The following LACTB2 variants were observed in gnomAD, a reference collection of about 807,000 sequenced individuals.
LACTB2 encodes the protein endoribonuclease LACTB2.
Under a neutral mutation model 34.8 loss-of-function variants are expected in LACTB2, and 32 were observed. The observed-to-expected ratio is 0.92, with a 90% CI of 0.69 to 1.24. The LOEUF (loss-of-function observed/expected upper bound fraction) is 1.24. LACTB2 is among the 50% of genes most tolerant of loss of function. The pLI is 0.00. For synonymous variants in LACTB2, 120 were observed against 117.5 expected (o/e 1.02, Z -0.14); for missense variants, 320 against 345.0 (o/e 0.93, Z 0.57).
chr8:70,646,862 T>C (rs1278512854), intron 3 of LACTB2, among the ~76,000 whole-genome samples: 2 of 152,206 alleles, frequency 1.3e-5, no homozygotes, highest in African/African-American at 4.8e-5. Context: ...TGTTATTCTG[T>C]AGGCTTCACA....
Position 70,669,128 on chromosome 8 carries a change from T to A in LACTB2, c.-8A>T, listed in dbSNP as rs766645352. 2.0e-5 allele frequency: 32 copies of A among 1,608,984 alleles called. No individual in the cohort carries two copies. In the East Asian group the frequency reaches 6.0e-4, roughly 30 times the overall value. On this transcript the variant is annotated 5_prime_UTR_variant, in exon 1 of 7. Transcript: ENST00000276590. ...CTGCAGTACAGCAGCCATTCCCGCC[T>A]CAGCCGCCCGCCGGCGTGTCGCCTA...
intron 3 of LACTB2, chr8:70,646,843 T>C (rs1311578083): frequency 6.6e-6 from 1 of 152,234 alleles, no homozygotes; most frequent in Non-Finnish European, 1.5e-5. Flanking sequence ...TCTTCTACTT[T>C]GAATTATGTG....
chr8:70,665,900 G>A (rs1484133291), intron 1 of LACTB2, among the ~76,000 whole-genome samples: 2 of 152,174 alleles, frequency 1.3e-5, no homozygotes, highest in Non-Finnish European at 2.9e-5. Flanking sequence ...GAGCAGAGGA[G>A]GAAAGTAAAA....
intron 1 of LACTB2, among the ~76,000 whole-genome samples, chr8:70,666,792 A>C (rs185808506): frequency 6.6e-6 from 1 of 152,334 alleles, no homozygotes; most frequent in Non-Finnish European, 1.5e-5. Context: ...AAGGGTATTT[A>C]GGCATTTCCT....
At position 70,661,830 on chromosome 8, in the gene LACTB2, T is replaced by G. The variant is rs764924581; in HGVS notation, c.190A>C (p.Thr64Pro). Residue 64 changes from threonine (T) to proline (P), a missense_variant, in exon 2 of 7, where the codon ACT becomes CCT. Coordinates refer to ENST00000276590, the MANE Select transcript of LACTB2 (RefSeq NM_016027.3). ...EYISCLKQAL[T>P]EFNTAIQEIV... ...TCCTGGATTGCTGTGTTAAATTCAG[T>G]TAGAGCCTGCTTTAAACAGCTGATG... 1 of 1,613,792 alleles carries G rather than the reference T, an allele frequency of 6.2e-7. No homozygotes were observed. The highest frequency in any genetic ancestry group is 8.5e-7 in the Non-Finnish European group (1 of 1,179,824).
chr8:70,659,085 AC>A (rs1818449989), intron 2 of LACTB2, among the ~76,000 whole-genome samples: 2 of 152,210 alleles, frequency 1.3e-5, no homozygotes, highest in African/African-American at 4.8e-5. Context: ...ACATAATGCT[AC>A]CAACTTTCTA....
At chr8:70,642,086 A>C (rs1055932975) in intron 4 of LACTB2, among the ~76,000 whole-genome samples, 1 of 151,560 alleles carries the variant, frequency 6.6e-6, no homozygotes, top group African/African-American at 2.4e-5. Context: ...ATTTACATAT[A>C]AACAACTGCT....
intron 3 of LACTB2, among the ~76,000 whole-genome samples, chr8:70,657,328 C>T (rs1373397622): frequency 6.6e-6 from 1 of 152,002 alleles, no homozygotes; most frequent in Non-Finnish European, 1.5e-5. Context: ...TCTCAAGCAA[C>T]TCATTTTCTC....
intron 3 of LACTB2, among the ~76,000 whole-genome samples, chr8:70,649,841 T>C (rs1039455356): frequency 6.6e-6 from 1 of 152,226 alleles, no homozygotes; most frequent in African/African-American, 2.4e-5. Context: ...AACAAAACTG[T>C]ACCATTAAAG....
At chr8:70,651,249 A>G (rs1321176672) in intron 3 of LACTB2, among the ~76,000 whole-genome samples, 1 of 152,228 alleles carries the variant, frequency 6.6e-6, no homozygotes, top group Non-Finnish European at 1.5e-5. Context: ...TTATGCTTTT[A>G]TAGTTTCCAA....
chr8:70,668,854 C>G (rs955632151), intron 1 of LACTB2, 145 bp downstream of exon 1: 21 of 1,032,278 alleles, frequency 2.0e-5, no homozygotes, highest in Non-Finnish European at 2.9e-5. Context: ...TGTCTGCGTG[C>G]AGTCCCGACG....
chr8:70,657,600 A>G (rs62531752), intron 3 of LACTB2, among the ~76,000 whole-genome samples, 156 bp downstream of exon 3: 2 of 151,940 alleles, frequency 1.3e-5, no homozygotes, highest in South Asian at 2.1e-4. Flanking sequence ...TCAGCTAATT[A>G]AATTTTTTTT....
rs1818588048 is a variant in LACTB2, at chr8:70,669,056, TTA to T, written c.63_64del (p.Cys21Ter). On this transcript the variant is annotated stop_gained and frameshift_variant, in exon 1 of 7. Coordinates refer to ENST00000276590, the MANE Select transcript of LACTB2 (RefSeq NM_016027.3). LOFTEE classifies it high-confidence loss of function. ...GCCTTGGAGGGTCATGGGACCCGGG[TTA>T]CAGCCCAACACACGCACGACTCGAT... 6.2e-7 allele frequency: 1 copy of T among 1,612,186 alleles called. No individual in the cohort carries two copies. Among genetic ancestry groups the T allele is most frequent in the Admixed American group, 1.7e-5 (1 of 59,764 alleles).
chr8:70,669,051 C>G lies in LACTB2; in HGVS notation c.70G>C (p.Gly24Arg). ...RVVRVLGCNP[G>R]PMTLQGTNTY... The stretch of plus-strand genomic sequence containing the variant: ...TTGGTGCCTTGGAGGGTCATGGGAC[C>G]CGGGTTACAGCCCAACACACGCACG... Residue 24 changes from glycine (G) to arginine (R), a missense_variant, in exon 1 of 7, where the codon GGT (glycine) becomes CGT (arginine). Physicochemically the swap from Gly to Arg is moderately radical, Grantham distance 125 (BLOSUM62 -2). Transcript: ENST00000276590. 1.2e-6 allele frequency: 2 copies of G among 1,611,618 alleles called. No individual in the cohort carries two copies. The highest frequency in any genetic ancestry group is 1.7e-6 in the Non-Finnish European group (2 of 1,179,176).
intron 2 of LACTB2, among the ~76,000 whole-genome samples, chr8:70,658,195 A>G (rs930727308): frequency 2.0e-5 from 3 of 152,220 alleles, no homozygotes; most frequent in African/African-American, 7.2e-5. Context: ...TTGAAGAGGC[A>G]CTAATACAGA....
chr8:70,649,107 G>A (rs1409992318), intron 3 of LACTB2, among the ~76,000 whole-genome samples: 1 of 152,174 alleles, frequency 6.6e-6, no homozygotes, highest in Non-Finnish European at 1.5e-5. Context: ...GATACTTTCA[G>A]ATATCTAAGG....
intron 2 of LACTB2, chr8:70,660,459 TATTGGGTGTG>T (rs964552416): frequency 2.1e-5 from 8 of 372,166 alleles, no homozygotes; most frequent in African/African-American, 4.2e-5. Context: ...AGCCTGGTGA[TATTGGGTGTG>T]GTAGCTGAGA....
At chr8:70,668,771 T>TTTCCATG (rs1818576630) in intron 1 of LACTB2, among the ~76,000 whole-genome samples, 1 of 144,120 alleles carries the variant, frequency 6.9e-6, no homozygotes. Context: ...TTTTTTTTTT[T>TTTCCATG]TTTTCCATTT....
rs557482330 is a variant in LACTB2 at position 70,646,505 on chromosome 8, T to C, written c.414-2262A>G. ...AATCAGAAAAAGACTCTTTAATCTA[T>C]TTTTTTCTCTCTAGTTAAACATTTT... On this transcript the variant is annotated intron_variant, in intron 3 of 6. Coordinates refer to ENST00000276590, the MANE Select transcript of LACTB2 (RefSeq NM_016027.3). 2.6e-5 allele frequency: 4 copies of C among 152,202 alleles called. No individual in the cohort carries two copies. The East Asian group carries it at 5.8e-4, about 22-fold the overall frequency. 9.4% of individuals were successfully genotyped at this position (152,202 alleles called of 1,614,324 possible). A position where few individuals can be genotyped will look rare whatever the true frequency, so the allele number is the denominator to read the frequency against.
Sources: gnomAD v4.1 joint callset for allele counts (sites outside exome capture counted in the v4.1 genomes callset) on GRCh38, gnomAD v4.1.1 for gene constraint, MANE v1.5 for transcripts, NCBI Gene and HGNC (gene_info 2026-07-23, HGNC 2026-07-21) for gene names.